The following TXNRD1 variants were observed in gnomAD, a reference collection of about 807,000 sequenced individuals.
The protein encoded by TXNRD1 is thioredoxin reductase 1.
TXNRD1 carries 57 observed loss-of-function variants against 80.3 expected under a neutral mutation model. The ratio of observed to expected loss-of-function variants is 0.71; its 90% CI spans 0.57 to 0.89. The LOEUF (loss-of-function observed/expected upper bound fraction) is 0.89. TXNRD1 is among the 40% of genes least tolerant of loss of function. The pLI, the probability that TXNRD1 is intolerant of heterozygous loss-of-function variation, is 0.00. For missense variants in TXNRD1, 730 were observed against 803.0 expected (o/e 0.91, Z 1.10); for synonymous variants, 291 against 285.2 (o/e 1.02, Z -0.20).
chr12:104,283,762 C>T (rs891075793), intron 3 of TXNRD1, among the ~76,000 whole-genome samples: 1 of 152,060 alleles, frequency 6.6e-6, no homozygotes, highest in Non-Finnish European at 1.5e-5. Flanking sequence ...CCCATCTACT[C>T]AGGAGGCTGA....
intron 4 of TXNRD1, 111 bp downstream of exon 4, chr12:104,289,151 AGCGCTGG>A: frequency 7.4e-7 from 1 of 1,345,222 alleles, no homozygotes; most frequent in Non-Finnish European, 1.0e-6. Flanking sequence ...AACGGGACGC[AGCGCTGG>A]GAAATGACGA....
chr12:104,245,080 C>G (rs1192468611), intron 1 of TXNRD1, among the ~76,000 whole-genome samples: 3 of 151,998 alleles, frequency 2.0e-5, no homozygotes, highest in African/African-American at 4.8e-5. Context: ...GGGACTATCC[C>G]CATTTAACTA....
At chr12:104,229,131 G>A (rs974315908) in intron 1 of TXNRD1, among the ~76,000 whole-genome samples, 3 of 147,504 alleles carry the variant, frequency 2.0e-5, no homozygotes, top group Admixed American at 7.0e-5. Flanking sequence ...TGCCTATTCC[G>A]AGCATTACTT....
intron 1 of TXNRD1, among the ~76,000 whole-genome samples, chr12:104,245,280 G>A (rs548670435): frequency 8.6e-5 from 13 of 151,736 alleles, no homozygotes; most frequent in Admixed American, 4.6e-4. Flanking sequence ...GGGAGGCTGC[G>A]GCAGGCGGGT....
chr12:104,217,936 A>C (rs964509465), intron 1 of TXNRD1, among the ~76,000 whole-genome samples: 17 of 152,104 alleles, frequency 1.1e-4, no homozygotes, highest in Admixed American at 1.1e-3. Flanking sequence ...TTTAAGGCTG[A>C]ATAATATTCC....
intron 3 of TXNRD1, chr12:104,262,197 A>G (rs1380048276): frequency 1.4e-5 from 2 of 145,686 alleles, no homozygotes; most frequent in South Asian, 2.2e-4. Flanking sequence ...GTGCCATTGC[A>G]CTTCAGCCTG....
chr12:104,344,678 C>T (rs1322982100), intron 16 of TXNRD1, among the ~76,000 whole-genome samples: 2 of 152,280 alleles, frequency 1.3e-5, no homozygotes, highest in South Asian at 2.1e-4. Context: ...ACATATTCCT[C>T]CTATCTAGCT....
chr12:104,338,856 A>G (rs1033034964), intron 15 of TXNRD1, among the ~76,000 whole-genome samples: 4 of 151,870 alleles, frequency 2.6e-5, no homozygotes, highest in Non-Finnish European at 1.5e-5. Context: ...AGCTGGAACT[A>G]CAGGCACCCG....
At chr12:104,324,521 T>C in intron 10 of TXNRD1, among the ~76,000 whole-genome samples, 1 of 151,960 alleles carries the variant, frequency 6.6e-6, no homozygotes, top group East Asian at 1.9e-4. Flanking sequence ...CCGGCTAATT[T>C]TTGTATTTTT....
intron 1 of TXNRD1, among the ~76,000 whole-genome samples, chr12:104,248,779 C>T (rs577044633): frequency 3.9e-5 from 6 of 152,310 alleles, no homozygotes; most frequent in African/African-American, 1.2e-4. Flanking sequence ...TCCCATTGCT[C>T]TTCTGGGATC....
Position 104,331,522 on chromosome 12 carries a change from AT to A in TXNRD1, c.1543-7del. On this transcript the variant is annotated splice_polypyrimidine_tract_variant and intron_variant, in intron 13 of 16. Transcript: ENST00000525566. Reference sequence around the variant, plus strand: ...TTGCCTATTATAACTCCTTACCTCCATTTTTAAACAGTGTGACTATGAAAAT... The same window carrying A: ...TTGCCTATTATAACTCCTTACCTCCATTTTAAACAGTGTGACTATGAAAAT... 6.3e-7 allele frequency: 1 copy of A among 1,575,954 alleles called. No individual in the cohort carries two copies. The highest frequency in any genetic ancestry group is 8.7e-7 in the Non-Finnish European group (1 of 1,155,030).
chr12:104,275,303 T>C (rs573100950), intron 3 of TXNRD1, among the ~76,000 whole-genome samples: 23 of 152,216 alleles, frequency 1.5e-4, no homozygotes, highest in African/African-American at 4.6e-4. Flanking sequence ...ATTATGTTTT[T>C]CTTCTTCTGG....
intron 6 of TXNRD1, among the ~76,000 whole-genome samples, chr12:104,314,703 C>T (rs1226751187): frequency 2.7e-5 from 4 of 150,324 alleles, no homozygotes; most frequent in African/African-American, 9.8e-5. Context: ...AGGCCACCTC[C>T]TTAAAAAAAT....
rs774936687 is a variant in TXNRD1, at chr12:104,313,295, C to T, written c.588C>T (p.Pro196=). ...KKVMVLDFVT[P]TPLGTRWGLG... is the part of the protein sequence containing the mutation. ...TGATGGTCCTGGACTTTGTCACTCC[C>T]ACCCCTCTTGGAACTAGATGGGGTA... The change falls in exon 6 of 17, where the codon CCC becomes CCT. Residue 196 remains proline, a synonymous_variant. Coordinates refer to ENST00000525566, the MANE Select transcript of TXNRD1 (RefSeq NM_001093771.3). The T allele has an allele frequency of 1.9e-6, 3 of 1,591,680 alleles. No individual in the cohort carries two copies. Among genetic ancestry groups the T allele is most frequent in the African/African-American group, 1.3e-5 (1 of 74,662 alleles).
intron 1 of TXNRD1, among the ~76,000 whole-genome samples, chr12:104,231,252 A>G (rs1011873650): frequency 6.6e-6 from 1 of 152,142 alleles, no homozygotes; most frequent in African/African-American, 2.4e-5. Flanking sequence ...GTTTTGGGCA[A>G]CAACTATTTC....
In TXNRD1 at chr12:104,277,399, C is replaced by CAAA. The variant is rs373722163; in HGVS notation, c.305-11518_305-11516dup. ...TGGGCAACAAAGTAAGACTCTGTCT[C>CAAA]AAAAAAAAAAAAAAAATTAGTCAGG... On this transcript the variant is annotated intron_variant, in intron 3 of 16. Coordinates refer to ENST00000525566, the MANE Select transcript of TXNRD1 (RefSeq NM_001093771.3). 2.1e-3 allele frequency among the ~76,000 whole-genome samples: 288 copies of CAAA among 134,588 alleles called. 1 individual carries two copies. Among genetic ancestry groups the CAAA allele is most frequent in the African/African-American group, 7.2e-3 (258 of 35,688 alleles). The allele number at this position is 134,588 out of a possible 152,430, so 88.3% of individuals were successfully genotyped here.
intron 6 of TXNRD1, among the ~76,000 whole-genome samples, chr12:104,314,750 T>C (rs1372628440): frequency 2.0e-5 from 3 of 146,818 alleles, no homozygotes; most frequent in Admixed American, 2.0e-4. Context: ...TTTTTTTTTT[T>C]TTTTTTTTTG....
chr12:104,294,233 G>GGCGCCC (rs60817773), intron 4 of TXNRD1, among the ~76,000 whole-genome samples: 1,587 of 68,576 alleles, frequency 0.023, 359 homozygotes, highest in Non-Finnish European at 0.034. Context: ...CCGGGGAAAG[G>GGCGCCC]CCCCCCCCCC....
chr12:104,252,766 G>A (rs561071866), intron 2 of TXNRD1, among the ~76,000 whole-genome samples: 5 of 123,166 alleles, frequency 4.1e-5, no homozygotes, highest in African/African-American at 1.3e-4. Context: ...GCAGTGGCGC[G>A]ATCTCAGCTC....
Sources: allele counts gnomAD v4.1 joint callset (sites outside exome capture counted in the v4.1 genomes callset), GRCh38; gene constraint gnomAD v4.1.1; transcripts MANE v1.5; gene names NCBI Gene and HGNC (gene_info 2026-07-23, HGNC 2026-07-21).